Variants in SEMA6D observed in about 807,000 individuals in gnomAD.
SEMA6D encodes semaphorin-6D.
Under a neutral mutation model 106.6 loss-of-function variants are expected in SEMA6D, and 35 were observed. That is an observed-to-expected ratio of 0.33 (90% CI 0.25 to 0.44). The LOEUF (loss-of-function observed/expected upper bound fraction) is 0.44. SEMA6D is among the 20% of genes least tolerant of loss of function. SEMA6D has a pLI of 1.00. For missense variants in SEMA6D, 1,185 were observed against 1,345.9 expected, an observed-to-expected ratio of 0.88 and a Z score of 1.87; for synonymous variants, 499 against 487.7, an observed-to-expected ratio of 1.02 and a Z score of -0.31.
At chr15:47,723,957 G>A (rs1372306271) in intron 1 of SEMA6D, among the ~76,000 whole-genome samples, 1 of 152,188 alleles carries the variant, frequency 6.6e-6, no homozygotes, top group African/African-American at 2.4e-5. Flanking sequence ...TGGCACATAA[G>A]AACCAGAGCA....
At chr15:47,407,402 ACAACAAC>A (rs1567058134) in intron 1 of SEMA6D, among the ~76,000 whole-genome samples, 12 of 135,746 alleles carry the variant, frequency 8.8e-5, no homozygotes, top group Non-Finnish European at 1.5e-4. Flanking sequence ...AACAACAACA[ACAACAAC>A]AAAAAAAACA....
intron 3 of SEMA6D, among the ~76,000 whole-genome samples, chr15:47,503,099 C>A (rs182540603): frequency 7.9e-5 from 12 of 152,258 alleles, no homozygotes; most frequent in African/African-American, 9.6e-5. Flanking sequence ...ATACAAAAAT[C>A]TGTCAACCAA....
intron 3 of SEMA6D, among the ~76,000 whole-genome samples, chr15:47,528,868 G>T (rs1428956829): frequency 6.6e-6 from 1 of 152,166 alleles, no homozygotes; most frequent in Non-Finnish European, 1.5e-5. Context: ...ACATATAACT[G>T]ACTCTCCAAA....
At chr15:47,291,581 C>G (rs2035594159) in intron 1 of SEMA6D, among the ~76,000 whole-genome samples, 1 of 152,118 alleles carries the variant, frequency 6.6e-6, no homozygotes, top group South Asian at 2.1e-4. Context: ...TATGGGAATT[C>G]TAGGGAATGG....
intron 1 of SEMA6D, among the ~76,000 whole-genome samples, chr15:47,316,207 C>T (rs1372818287): frequency 1.3e-5 from 2 of 149,580 alleles, no homozygotes; most frequent in African/African-American, 4.9e-5. Flanking sequence ...ATTCTCCTGC[C>T]TCAGCCTCCT....
chr15:47,711,956 T>A (rs1222909071), intron 4 of SEMA6D, among the ~76,000 whole-genome samples: 1 of 152,156 alleles, frequency 6.6e-6, no homozygotes, highest in East Asian at 1.9e-4. Context: ...TGGGGGAAGA[T>A]GAGGAGCATG....
intron 4 of SEMA6D, among the ~76,000 whole-genome samples, chr15:47,711,693 A>C (rs2079027229): frequency 6.6e-6 from 1 of 152,242 alleles, no homozygotes; most frequent in African/African-American, 2.4e-5. Context: ...TAGCAGTGTA[A>C]TTTTAATAAC....
chr15:47,275,263 T>C (rs2034747861), intron 1 of SEMA6D: 1 of 152,140 alleles, frequency 6.6e-6, no homozygotes, highest in African/African-American at 2.4e-5. Flanking sequence ...CACACAAATA[T>C]AGAATACATA....
chr15:47,377,920 A>G (rs999793386), intron 1 of SEMA6D, among the ~76,000 whole-genome samples: 1 of 152,144 alleles, frequency 6.6e-6, no homozygotes, highest in African/African-American at 2.4e-5. Flanking sequence ...AGACTCCTCC[A>G]TGTTTATATT....
chr15:47,384,819 T>G (rs936222408), intron 1 of SEMA6D, among the ~76,000 whole-genome samples: 19 of 68,788 alleles, frequency 2.8e-4, no homozygotes, highest in African/African-American at 8.4e-4. Context: ...CTAAAGTTTT[T>G]TTTTTTTTTT....
intron 3 of SEMA6D, among the ~76,000 whole-genome samples, chr15:47,590,507 T>G (rs1055564391): frequency 4.1e-5 from 6 of 147,426 alleles, no homozygotes; most frequent in Admixed American, 1.4e-4. Context: ...TGTGCACATA[T>G]ACCCTAGAAC....
chr15:47,394,137 A>G (rs2145862957), intron 1 of SEMA6D, among the ~76,000 whole-genome samples: 1 of 152,234 alleles, frequency 6.6e-6, no homozygotes, highest in Non-Finnish European at 1.5e-5. Context: ...ATTTAGGAGG[A>G]CTAGGCTCCC....
chr15:47,453,606 C>T (rs1047281903), intron 2 of SEMA6D, among the ~76,000 whole-genome samples: 3 of 152,056 alleles, frequency 2.0e-5, no homozygotes, highest in Non-Finnish European at 2.9e-5. Flanking sequence ...AGTAACAGCA[C>T]GTCTGCAAGT....
At chr15:47,391,943 C>A (rs1318369826) in intron 1 of SEMA6D, among the ~76,000 whole-genome samples, 1 of 152,146 alleles carries the variant, frequency 6.6e-6, no homozygotes, top group Non-Finnish European at 1.5e-5. Flanking sequence ...TAAAATGCAT[C>A]TTAAAAACAC....
At chr15:47,698,436 TAA>T (rs1347410988) in intron 4 of SEMA6D, among the ~76,000 whole-genome samples, 3 of 152,216 alleles carry the variant, frequency 2.0e-5, no homozygotes, top group Non-Finnish European at 4.4e-5. Context: ...AAAACTCTCT[TAA>T]GACTTCTTCA....
chr15:47,671,927 T>C (rs1460222110), intron 4 of SEMA6D, among the ~76,000 whole-genome samples: 1 of 152,220 alleles, frequency 6.6e-6, no homozygotes, highest in Non-Finnish European at 1.5e-5. Flanking sequence ...CAAATACTAC[T>C]ATTTATTGAG....
At chr15:47,682,191 G>A (rs1036668158) in intron 4 of SEMA6D, among the ~76,000 whole-genome samples, 3 of 147,736 alleles carry the variant, frequency 2.0e-5, no homozygotes, top group Admixed American at 6.7e-5. Flanking sequence ...TTTTTGATAC[G>A]GAGTGTCACT....
intron 3 of SEMA6D, among the ~76,000 whole-genome samples, chr15:47,505,984 G>T (rs892791388): frequency 6.6e-6 from 1 of 152,100 alleles, no homozygotes; most frequent in Non-Finnish European, 1.5e-5. Flanking sequence ...GGTGGAGGTG[G>T]TAATAATGCA....
At chr15:47,541,039 T>A (rs561759012) in intron 3 of SEMA6D, among the ~76,000 whole-genome samples, 48 of 152,276 alleles carry the variant, frequency 3.2e-4, no homozygotes, top group Admixed American at 3.3e-4. Context: ...CATGGAAGAA[T>A]TTTAATGACA....
Sources: gnomAD v4.1 joint callset for allele counts (sites outside exome capture counted in the v4.1 genomes callset) on GRCh38, gnomAD v4.1.1 for gene constraint, MANE v1.5 for transcripts, NCBI Gene and HGNC (gene_info 2026-07-23, HGNC 2026-07-21) for gene names.